Variants in TAMM41 observed in about 807,000 individuals in gnomAD.
The protein encoded by TAMM41 is TAM41 mitochondrial translocator assembly and maintenance homolog.
A neutral mutation model predicts 44.1 loss-of-function variants in TAMM41; 36 were observed. The observed-to-expected ratio is 0.82, with a 90% CI of 0.63 to 1.08. The LOEUF (loss-of-function observed/expected upper bound fraction) is 1.08, where lower values mean the gene tolerates loss of function less well. Ranked by LOEUF, TAMM41 falls within the 50% of genes least tolerant of loss-of-function variation. TAMM41 has a pLI of 0.00. For missense variants in TAMM41, 417 were observed against 404.3 expected, an observed-to-expected ratio of 1.03 and a Z score of -0.27; for synonymous variants, 164 against 153.1, an observed-to-expected ratio of 1.07 and a Z score of -0.53.
intron 4 of TAMM41, among the ~76,000 whole-genome samples, chr3:11,823,004 G>A (rs1039725196): frequency 2.6e-5 from 4 of 152,192 alleles, no homozygotes; most frequent in Non-Finnish European, 5.9e-5. Flanking sequence ...AGCAATGTAT[G>A]AGGGTCCCAA....
intron 3 of TAMM41, among the ~76,000 whole-genome samples, chr3:11,831,106 T>C (rs992908628): frequency 3.3e-5 from 5 of 152,144 alleles, no homozygotes; most frequent in Admixed American, 3.3e-4. Context: ...TTCAGTGAAA[T>C]GAGCTTCCTT....
chr3:11,801,293 C>A (rs1351656189), intron 7 of TAMM41, among the ~76,000 whole-genome samples: 3 of 151,862 alleles, frequency 2.0e-5, no homozygotes, highest in Non-Finnish European at 4.4e-5. Context: ...AACAGCATGC[C>A]CCTAAATAAT....
At chr3:11,764,519 G>A in the TAMM41 span, among the ~76,000 whole-genome samples, 4 of 66,522 alleles carry the variant, frequency 6.0e-5, no homozygotes, top group African/African-American at 1.6e-4. Flanking sequence ...TTGAGACAGA[G>A]TCTTGCTCTG....
At chr3:11,779,511 G>A in the TAMM41 span, among the ~76,000 whole-genome samples, 1 of 152,104 alleles carries the variant, frequency 6.6e-6, no homozygotes, top group Non-Finnish European at 1.5e-5. Context: ...ATTTGGAGGG[G>A]ACAAATGTCC....
intron 4 of TAMM41, among the ~76,000 whole-genome samples, chr3:11,820,197 A>T (rs1382294112): frequency 6.6e-6 from 1 of 152,210 alleles, no homozygotes; most frequent in East Asian, 1.9e-4. Flanking sequence ...GGATTCCATT[A>T]ATCTTTGAAG....
downstream of TAMM41, among the ~76,000 whole-genome samples, chr3:11,785,514 T>C (rs2077411442): frequency 6.6e-6 from 1 of 152,110 alleles, no homozygotes; most frequent in Non-Finnish European, 1.5e-5. Flanking sequence ...TTAGTAGAGA[T>C]GGGGTTTCAC....
chr3:11,739,199 A>G, the TAMM41 span, among the ~76,000 whole-genome samples: 1 of 152,074 alleles, frequency 6.6e-6, no homozygotes, highest in African/African-American at 2.4e-5. Flanking sequence ...GTCACCTTCT[A>G]TTACTACCAC....
In TAMM41 at chr3:11,844,168, G is replaced by A; in HGVS notation, c.179C>T (p.Ala60Val). The A allele has an allele frequency of 1.9e-6, 3 of 1,614,186 alleles. No individual in the cohort carries two copies. The highest frequency in any genetic ancestry group is 2.5e-6 in the Non-Finnish European group (3 of 1,180,040). The change falls in exon 2 of 8, where the codon GCA becomes GTA. Residue 60 changes from alanine (A) to valine (V), a missense_variant. Physicochemically the swap from Ala to Val is moderately conservative, Grantham distance 64. Transcript: ENST00000455809. ...DFVFTVDDPV[A>V]WHSKNLKKNW... ...TTTCTTCAGGTTCTTTGAATGCCAT[G>A]CGACAGGGTCATCTACTGTGAACAC...
chr3:11,829,979 T>TACTG, intron 3 of TAMM41, 115 bp from the exon 4 acceptor site: 1 of 1,035,446 alleles, frequency 9.7e-7, no homozygotes, highest in Non-Finnish European at 1.4e-6. Flanking sequence ...GATCTTGGAA[T>TACTG]ACTGGTTCAG....
intron 5 of TAMM41, among the ~76,000 whole-genome samples, chr3:11,810,436 A>G (rs993879851): frequency 6.6e-6 from 1 of 152,366 alleles, no homozygotes; most frequent in Non-Finnish European, 1.5e-5. Flanking sequence ...TTAGCCACAG[A>G]GCTGAGGCCA....
chr3:11,732,997 TTTGTTTG>T, the TAMM41 span, among the ~76,000 whole-genome samples: 10 of 104,446 alleles, frequency 9.6e-5, no homozygotes, highest in Non-Finnish European at 1.3e-4. Context: ...GAGTTTTTTT[TTTGTTTG>T]TTTGTTTGTT....
chr3:11,738,942 A>G, the TAMM41 span, among the ~76,000 whole-genome samples: 15 of 152,206 alleles, frequency 9.9e-5, no homozygotes, highest in African/African-American at 3.4e-4. Context: ...CACAGCATCC[A>G]GTGCTGCCTG....
chr3:11,830,320 A>C (rs2078930799), intron 3 of TAMM41, among the ~76,000 whole-genome samples: 1 of 152,160 alleles, frequency 6.6e-6, no homozygotes, highest in South Asian at 2.1e-4. Flanking sequence ...ATCGATTTTG[A>C]ACTTGACTAA....
chr3:11,747,876 TA>T, the TAMM41 span, among the ~76,000 whole-genome samples: 14,037 of 51,866 alleles, frequency 0.27, 795 homozygotes, highest in Admixed American at 0.43. Context: ...ACTATTTATT[TA>T]TTTATTTTTT....
the TAMM41 span, among the ~76,000 whole-genome samples, chr3:11,761,946 C>CAAA: frequency 3.2e-4 from 24 of 74,984 alleles, no homozygotes; most frequent in African/African-American, 1.0e-3. Context: ...GACTCTGTCT[C>CAAA]AAAAAAAAAA....
intron 4 of TAMM41, among the ~76,000 whole-genome samples, chr3:11,822,042 T>C (rs1413377285): frequency 1.3e-5 from 2 of 152,178 alleles, no homozygotes; most frequent in African/African-American, 4.8e-5. Context: ...TGTTTAGACC[T>C]GGGCCGTCCC....
At chr3:11,726,656 A>T in the TAMM41 span, among the ~76,000 whole-genome samples, 1 of 152,098 alleles carries the variant, frequency 6.6e-6, no homozygotes, top group African/African-American at 2.4e-5. Context: ...TACAAAAATT[A>T]GCCAGGTATT....
At chr3:11,806,018 C>T (rs925303609) in intron 7 of TAMM41, among the ~76,000 whole-genome samples, 1 of 152,194 alleles carries the variant, frequency 6.6e-6, no homozygotes, top group Non-Finnish European at 1.5e-5. Flanking sequence ...AAGGGAGCTC[C>T]CCTGCACATG....
the TAMM41 span, among the ~76,000 whole-genome samples, chr3:11,725,454 C>CCTCCTCGTCCTT: frequency 7.3e-6 from 1 of 137,722 alleles, no homozygotes; most frequent in Non-Finnish European, 1.6e-5. Context: ...TCCTCCTCCT[C>CCTCCTCGTCCTT]CTTCTTCTTC....
Sources: gnomAD v4.1 joint callset for allele counts (sites outside exome capture counted in the v4.1 genomes callset) on GRCh38, gnomAD v4.1.1 for gene constraint, MANE v1.5 for transcripts, NCBI Gene and HGNC (gene_info 2026-07-23, HGNC 2026-07-21) for gene names.